L3MBTL4: variants seen among roughly 807,000 people sequenced by gnomAD.
L3MBTL4 encodes the protein L3MBTL histone methyl-lysine binding protein 4.
In L3MBTL4, 70 loss-of-function variants were observed where a neutral mutation model predicts 84.5. The observed-to-expected ratio is 0.83, with a 90% confidence interval of 0.68 to 1.01. L3MBTL4 has a LOEUF of 1.01. Among genes scored for constraint, L3MBTL4 ranks in the 50% least tolerant of loss-of-function variants. The pLI is 0.00. For missense variants in L3MBTL4, 715 were observed against 754.8 expected, an observed-to-expected ratio of 0.95 and a Z score of 0.62; for synonymous variants, 274 against 259.8, an observed-to-expected ratio of 1.05 and a Z score of -0.52.
At chr18:6,131,919 A>G (rs2059890910) in intron 14 of L3MBTL4, among the ~76,000 whole-genome samples, 1 of 152,180 alleles carries the variant, frequency 6.6e-6, no homozygotes, top group Non-Finnish European at 1.5e-5. Context: ...TAATTGCAAG[A>G]GAATTTTAGT....
intron 1 of L3MBTL4, among the ~76,000 whole-genome samples, chr18:6,394,133 CTA>C (rs1330722345): frequency 6.8e-6 from 1 of 147,922 alleles, no homozygotes; most frequent in Non-Finnish European, 1.5e-5. Context: ...TACCTTTACT[CTA>C]TGTTACTTTG....
chr18:5,966,529 C>T (rs1437357135), intron 17 of L3MBTL4, among the ~76,000 whole-genome samples: 4 of 152,122 alleles, frequency 2.6e-5, no homozygotes, highest in African/African-American at 9.7e-5. Context: ...CCGACCCATC[C>T]TCACCCTATC....
intron 13 of L3MBTL4, among the ~76,000 whole-genome samples, chr18:6,152,414 G>T (rs1022984315): frequency 4.6e-5 from 7 of 151,312 alleles, no homozygotes; most frequent in Non-Finnish European, 8.8e-5. Flanking sequence ...TTGTCTTTTT[G>T]ATAACAATCA....
At chr18:6,292,011 A>G (rs139610592) in intron 4 of L3MBTL4, among the ~76,000 whole-genome samples, 3 of 152,348 alleles carry the variant, frequency 2.0e-5, no homozygotes, top group African/African-American at 7.2e-5. Flanking sequence ...TAGCTAGAAG[A>G]GAATAATTCA....
At chr18:6,165,674 A>C (rs1029305828) in intron 13 of L3MBTL4, among the ~76,000 whole-genome samples, 35 of 152,216 alleles carry the variant, frequency 2.3e-4, no homozygotes, top group Non-Finnish European at 4.1e-4. Context: ...AGAGCTCCTG[A>C]AGGAAGCACT....
intron 12 of L3MBTL4, among the ~76,000 whole-genome samples, chr18:6,198,200 C>T (rs964369131): frequency 6.6e-6 from 1 of 152,160 alleles, no homozygotes; most frequent in Non-Finnish European, 1.5e-5. Context: ...ACAGAATAAT[C>T]CCTGCACCAA....
chr18:6,262,052 G>C (rs2048427634), intron 5 of L3MBTL4, among the ~76,000 whole-genome samples: 1 of 152,178 alleles, frequency 6.6e-6, no homozygotes, highest in Non-Finnish European at 1.5e-5. Context: ...CTAAGCCACA[G>C]CAGCCATCGG....
chr18:6,186,054 C>G (rs946208647), intron 12 of L3MBTL4, among the ~76,000 whole-genome samples: 1 of 149,262 alleles, frequency 6.7e-6, no homozygotes, highest in African/African-American at 2.5e-5. Flanking sequence ...CTCTTGTTAA[C>G]CAGGCTGGAG....
At chr18:6,401,496 C>T (rs900108806) in intron 1 of L3MBTL4, among the ~76,000 whole-genome samples, 1 of 152,066 alleles carries the variant, frequency 6.6e-6, no homozygotes, top group African/African-American at 2.4e-5. Context: ...GTGCACAGGG[C>T]AAAAAATGCA....
At chr18:6,360,831 A>C (rs1247353859) in intron 1 of L3MBTL4, among the ~76,000 whole-genome samples, 4 of 145,098 alleles carry the variant, frequency 2.8e-5, no homozygotes, top group Non-Finnish European at 6.3e-5. Flanking sequence ...CTCTACAAAA[A>C]AGAAATTTAA....
intron 1 of L3MBTL4, among the ~76,000 whole-genome samples, chr18:6,343,056 C>T (rs1439369992): frequency 6.6e-6 from 1 of 151,892 alleles, no homozygotes; most frequent in Non-Finnish European, 1.5e-5. Flanking sequence ...ATATATGCAC[C>T]CAACATAAGA....
chr18:6,272,202 C>T (rs563319784), intron 4 of L3MBTL4, among the ~76,000 whole-genome samples: 1 of 152,232 alleles, frequency 6.6e-6, no homozygotes, highest in South Asian at 2.1e-4. Flanking sequence ...AGACAGGTAG[C>T]ATTGGGAACA....
In L3MBTL4 at chr18:6,283,054, T is replaced by C. The variant is rs553551367; in HGVS notation, c.127+18849A>G. Among the ~76,000 whole-genome samples the C allele has an allele frequency of 5.4e-4, 83 of 152,296 alleles. 1 individual carries two copies. Among genetic ancestry groups the C allele is most frequent in the African/African-American group, 1.9e-3 (80 of 41,564 alleles). On this transcript the variant is annotated intron_variant, in intron 4 of 18. Transcript: ENST00000317931. ...CAAGACCCACAGGTACAGGCTTTCC[T>C]AAGATGAGAGTGACGTTAAATCCAG...
chr18:6,085,263 G>A (rs2058220298), intron 15 of L3MBTL4, among the ~76,000 whole-genome samples: 1 of 124,566 alleles, frequency 8.0e-6, no homozygotes, highest in Non-Finnish European at 1.6e-5. Context: ...GGTTGAATGA[G>A]TTCGGTATGC....
intron 1 of L3MBTL4, among the ~76,000 whole-genome samples, chr18:6,336,198 T>C (rs966763246): frequency 3.3e-5 from 5 of 151,962 alleles, no homozygotes; most frequent in African/African-American, 7.3e-5. Context: ...AATAAAGGCA[T>C]TGGAGAGCTA....
intron 14 of L3MBTL4, among the ~76,000 whole-genome samples, chr18:6,096,672 G>A (rs570669745): frequency 1.6e-4 from 25 of 152,268 alleles, no homozygotes; most frequent in African/African-American, 5.8e-4. Context: ...TTGAAAAAAA[G>A]AAGACTGAAG....
At chr18:6,121,685 CGTGTGTGTGTGT>C (rs762077935) in intron 14 of L3MBTL4, among the ~76,000 whole-genome samples, 1 of 142,832 alleles carries the variant, frequency 7.0e-6, no homozygotes, top group Non-Finnish European at 1.5e-5. Flanking sequence ...ATTGTTTCCC[CGTGTGTGTGTGT>C]GTGTGTGTGT....
At chr18:6,018,048 G>A (rs1337952144) in intron 16 of L3MBTL4, among the ~76,000 whole-genome samples, 1 of 152,114 alleles carries the variant, frequency 6.6e-6, no homozygotes, top group Admixed American at 6.5e-5. Flanking sequence ...GATGCTCCAG[G>A]GTTTTTCTTA....
chr18:6,089,743 T>C (rs2058377925), intron 15 of L3MBTL4, among the ~76,000 whole-genome samples: 1 of 152,184 alleles, frequency 6.6e-6, no homozygotes, highest in South Asian at 2.1e-4. Context: ...CACAAATTGT[T>C]TAGCATAACG....
Sources: allele counts gnomAD v4.1 joint callset (sites outside exome capture counted in the v4.1 genomes callset), GRCh38; gene constraint gnomAD v4.1.1; transcripts MANE v1.5; gene names NCBI Gene and HGNC (gene_info 2026-07-23, HGNC 2026-07-21).